CNTLN: variants seen among roughly 807,000 people sequenced by gnomAD.
The protein encoded by CNTLN is centlein.
Under a neutral mutation model 180.0 loss-of-function variants are expected in CNTLN, and 212 were observed. The ratio of observed to expected loss-of-function variants is 1.18; its 90% CI spans 1.05 to 1.32. The LOEUF is 1.32. CNTLN is among the 40% of genes most tolerant of loss of function. The pLI, the probability that CNTLN is intolerant of heterozygous loss-of-function variation, is 0.00. For missense variants in CNTLN, 2,095 were observed against 1,610.9 expected, an observed-to-expected ratio of 1.30 and a Z score of -5.14; for synonymous variants, 722 against 563.1, an observed-to-expected ratio of 1.28 and a Z score of -3.99.
At chr9:17,301,008 T>C (rs1207773754) in intron 7 of CNTLN, 1 of 984,304 alleles carries the variant, frequency 1.0e-6, no homozygotes, top group East Asian at 1.1e-4. Context: ...GAATGATGTA[T>C]GTTGTAATAG....
rs1588106577 is a variant in CNTLN, at chr9:17,491,197, A to T, written c.4119+4131A>T. ...AAAGGCAATGAAAATAATTAGTGGA[A>T]ATTAAGCTGAGCCTGTGCTCGGGAA... On this transcript the variant is annotated intron_variant, in intron 25 of 25. Coordinates refer to ENST00000380647, the MANE Select transcript of CNTLN (RefSeq NM_017738.4). Among the ~76,000 whole-genome samples the T allele has an allele frequency of 2.6e-5, 4 of 152,148 alleles. No homozygotes were observed. In the South Asian group the frequency reaches 8.3e-4, roughly 32 times the overall value.
intron 2 of CNTLN, among the ~76,000 whole-genome samples, chr9:17,223,071 T>G (rs2132062649): frequency 6.6e-6 from 1 of 152,138 alleles, no homozygotes. Context: ...CTACGTTTTT[T>G]CCTACACGGT....
chr9:17,198,891 G>A (rs1587109714), intron 2 of CNTLN, among the ~76,000 whole-genome samples: 1 of 151,982 alleles, frequency 6.6e-6, no homozygotes, highest in Non-Finnish European at 1.5e-5. Flanking sequence ...AGTATTCTAT[G>A]GTGTATATGT....
intron 6 of CNTLN, among the ~76,000 whole-genome samples, chr9:17,296,153 C>A (rs1160722075): frequency 6.6e-6 from 1 of 151,794 alleles, no homozygotes; most frequent in African/African-American, 2.4e-5. Flanking sequence ...CAGATGTATG[C>A]TACCATGCCC....
chr9:17,515,246 T>G, the CNTLN span, among the ~76,000 whole-genome samples: 4 of 152,190 alleles, frequency 2.6e-5, no homozygotes, highest in Admixed American at 6.5e-5. Flanking sequence ...GAATCTTCTT[T>G]TAACTCATTG....
At position 17,261,592 on chromosome 9, in the gene CNTLN, A is replaced by G. The variant is rs149808219; in HGVS notation, c.850-12141A>G. ...TTTGGTGGAATTTGTAGGGTTTTCT[A>G]TGTATAGAATCATATCATCAGTGAC... On this transcript the variant is annotated intron_variant, in intron 5 of 25. Coordinates refer to ENST00000380647, the MANE Select transcript of CNTLN (RefSeq NM_017738.4). Among the ~76,000 whole-genome samples, 80 of 151,488 alleles carry G rather than the reference A, an allele frequency of 5.3e-4. 4 individuals are homozygous for G. Among genetic ancestry groups the G allele is most frequent in the African/African-American group, 1.8e-3 (73 of 40,958 alleles).
At chr9:17,290,526 G>GT (rs1202474463) in intron 6 of CNTLN, among the ~76,000 whole-genome samples, 2 of 144,306 alleles carry the variant, frequency 1.4e-5, no homozygotes, top group Admixed American at 6.9e-5. Context: ...TTGAGCTGTG[G>GT]TGGGCTCCAC....
At chr9:17,516,438 T>G in the CNTLN span, among the ~76,000 whole-genome samples, 1 of 152,194 alleles carries the variant, frequency 6.6e-6, no homozygotes, top group Non-Finnish European at 1.5e-5. Context: ...ATGGGAACCT[T>G]CAGACATGAA....
chr9:17,413,474 A>G (rs1564084580), intron 16 of CNTLN, among the ~76,000 whole-genome samples: 1 of 152,156 alleles, frequency 6.6e-6, no homozygotes, highest in Non-Finnish European at 1.5e-5. Context: ...AGAGGAAAAG[A>G]CAAGCCACAG....
intron 8 of CNTLN, among the ~76,000 whole-genome samples, chr9:17,327,212 C>CT (rs1820353227): frequency 1.0e-5 from 1 of 99,132 alleles, no homozygotes; most frequent in African/African-American, 3.2e-5. Flanking sequence ...TAGTAGTTAA[C>CT]CTTTTTTTTT....
intron 5 of CNTLN, among the ~76,000 whole-genome samples, chr9:17,252,880 A>C (rs949627529): frequency 7.0e-6 from 1 of 142,178 alleles, no homozygotes; most frequent in Non-Finnish European, 1.5e-5. Flanking sequence ...GTTTTCTTCT[A>C]GTATTTTTCT....
rs1482790751 is a variant in CNTLN, at chr9:17,301,565, G to A, written c.1146+3213G>A. ...TTACCTTGGGGAGTGTGGGAGTAGG[G>A]GGCTTCACTGATACTTAAGTTGATT... On this transcript the variant is annotated intron_variant, in intron 7 of 25. Coordinates refer to ENST00000380647, the MANE Select transcript of CNTLN (RefSeq NM_017738.4). 3.0e-6 allele frequency: 3 copies of A among 984,460 alleles called. No homozygotes were observed. In the African/African-American group the frequency reaches 5.3e-5, roughly 17 times the overall value. 61.0% of individuals were successfully genotyped at this position (984,460 alleles called of 1,614,324 possible).
chr9:17,178,887 CCGAGGAGGCGCCGAGAG>C (rs1820921116), intron 2 of CNTLN, among the ~76,000 whole-genome samples: 1 of 152,142 alleles, frequency 6.6e-6, no homozygotes, highest in Admixed American at 6.5e-5. Context: ...GGCGCCAAGG[CCGAGGAGGCGCCGAGAG>C]CGAGGGAGGG....
At chr9:17,519,888 C>T in the CNTLN span, among the ~76,000 whole-genome samples, 1 of 152,170 alleles carries the variant, frequency 6.6e-6, no homozygotes, top group African/African-American at 2.4e-5. Context: ...CATAAAGCTA[C>T]AGTATAGCTG....
chr9:17,256,809 C>A (rs1457700065), intron 5 of CNTLN, among the ~76,000 whole-genome samples: 3 of 151,694 alleles, frequency 2.0e-5, no homozygotes, highest in Non-Finnish European at 2.9e-5. Context: ...TGGCCTGTTT[C>A]GATATTTGAC....
chr9:17,352,548 CATTAACAAT>C (rs1822469132), intron 12 of CNTLN, among the ~76,000 whole-genome samples: 1 of 151,268 alleles, frequency 6.6e-6, no homozygotes. Flanking sequence ...TTCAGGTAAC[CATTAACAAT>C]ATATAAATTT....
intron 12 of CNTLN, among the ~76,000 whole-genome samples, chr9:17,350,122 A>T (rs1299338581): frequency 6.6e-6 from 1 of 152,232 alleles, no homozygotes; most frequent in South Asian, 2.1e-4. Context: ...TAGTAAAAAA[A>T]GTTTGTGTAC....
In CNTLN at chr9:17,394,898, G is replaced by A; in HGVS notation, c.2444G>A (p.Arg815Lys). Residue 815 changes from arginine (R) to lysine (K), a missense_variant, in exon 15 of 26, where the codon AGA becomes AAA. Arg to Lys is a conservative substitution (Grantham distance 26, BLOSUM62 2). Transcript: ENST00000380647. ...TCCGAGATGGCCACCATGAAAGTGA[G>A]ATCTGGACGATATGATTGTAAGACA... The part of the protein sequence containing the change: ...AKSEMATMKV[R>K]SGRYDCKTTM... 1 of 1,614,066 alleles carries A rather than the reference G, an allele frequency of 6.2e-7. No homozygotes were observed. The highest frequency in any genetic ancestry group is 8.5e-7 in the Non-Finnish European group (1 of 1,179,972).
chr9:17,473,781 C>A (rs1427067877), intron 23 of CNTLN, among the ~76,000 whole-genome samples: 3 of 152,102 alleles, frequency 2.0e-5, no homozygotes, highest in Non-Finnish European at 4.4e-5. Context: ...TATTACCCCG[C>A]CAAAGTAGTT....
Sources: allele counts gnomAD v4.1 joint callset (sites outside exome capture counted in the v4.1 genomes callset), GRCh38; gene constraint gnomAD v4.1.1; transcripts MANE v1.5; gene names NCBI Gene and HGNC (gene_info 2026-07-23, HGNC 2026-07-21).